Variants in PTPN9 observed in about 807,000 individuals in gnomAD.
The protein encoded by PTPN9 is tyrosine-protein phosphatase non-receptor type 9.
A neutral mutation model predicts 69.8 loss-of-function variants in PTPN9; 26 were observed. The ratio of observed to expected loss-of-function variants is 0.37; its 90% CI spans 0.27 to 0.52. The LOEUF is 0.52. Ranked by LOEUF, PTPN9 falls within the 20% of genes least tolerant of loss-of-function variation. The pLI is 0.91. For synonymous variants in PTPN9, 274 were observed against 272.5 expected (o/e 1.01, Z -0.05); for missense variants, 549 against 740.3 (o/e 0.74, Z 3.00).
At chr15:75,481,871 G>C (rs574787409) in intron 8 of PTPN9, among the ~76,000 whole-genome samples, 1 of 144,288 alleles carries the variant, frequency 6.9e-6, no homozygotes, top group Non-Finnish European at 1.5e-5. Flanking sequence ...CCGCCCCTCC[G>C]GGAGGTGAGG....
At chr15:75,558,623 T>A (rs904654788) in intron 1 of PTPN9, among the ~76,000 whole-genome samples, 1 of 152,040 alleles carries the variant, frequency 6.6e-6, no homozygotes, top group African/African-American at 2.4e-5. Flanking sequence ...CACTGCAACC[T>A]CCCTGCCTGA....
At chr15:75,576,120 T>C (rs995418003) in intron 1 of PTPN9, among the ~76,000 whole-genome samples, 1 of 149,050 alleles carries the variant, frequency 6.7e-6, no homozygotes, top group Non-Finnish European at 1.5e-5. Context: ...AAGTCACAGC[T>C]ACTTGGGAGG....
At chr15:75,501,970 C>T (rs1195975477) in intron 7 of PTPN9, among the ~76,000 whole-genome samples, 1 of 151,980 alleles carries the variant, frequency 6.6e-6, no homozygotes, top group Non-Finnish European at 1.5e-5. Flanking sequence ...CCAGCCTGGG[C>T]AACATGCCAA....
chr15:75,509,342 AGTTAT>A (rs2074835032), intron 5 of PTPN9, among the ~76,000 whole-genome samples: 2 of 152,354 alleles, frequency 1.3e-5, no homozygotes, highest in African/African-American at 4.8e-5. Flanking sequence ...CTCTTAAAAA[AGTTAT>A]GTTATTAAAA....
At chr15:75,531,236 C>T (rs2074962816) in intron 1 of PTPN9, among the ~76,000 whole-genome samples, 1 of 151,916 alleles carries the variant, frequency 6.6e-6, no homozygotes, top group Non-Finnish European at 1.5e-5. Flanking sequence ...GGCAACATAG[C>T]TTACACCATT....
chr15:75,572,541 C>T (rs2075152762), intron 1 of PTPN9, among the ~76,000 whole-genome samples: 1 of 151,896 alleles, frequency 6.6e-6, no homozygotes, highest in Non-Finnish European at 1.5e-5. Context: ...GAAACCCCAT[C>T]TCTACTAAAA....
At chr15:75,543,078 C>T (rs1449143476) in intron 1 of PTPN9, among the ~76,000 whole-genome samples, 1 of 148,780 alleles carries the variant, frequency 6.7e-6, no homozygotes, top group Non-Finnish European at 1.5e-5. Flanking sequence ...CAATTCCCAC[C>T]TATGAGTGAG....
At chr15:75,500,322 T>C (rs1239507044) in intron 7 of PTPN9, among the ~76,000 whole-genome samples, 1 of 147,572 alleles carries the variant, frequency 6.8e-6, no homozygotes, top group East Asian at 2.0e-4. Context: ...AATAAATAAA[T>C]AAATAAATAA....
intron 1 of PTPN9, among the ~76,000 whole-genome samples, chr15:75,569,467 G>A (rs751209791): frequency 1.4e-4 from 21 of 152,134 alleles, no homozygotes; most frequent in South Asian, 6.2e-4. Context: ...CACTTTGAGA[G>A]GCCGAGGCGG....
intron 6 of PTPN9, among the ~76,000 whole-genome samples, chr15:75,506,725 G>T (rs2074821459): frequency 6.6e-6 from 1 of 152,056 alleles, no homozygotes. Flanking sequence ...CTTGGACATA[G>T]CCATGCTGGA....
At chr15:75,553,927 G>A (rs978114423) in intron 1 of PTPN9, among the ~76,000 whole-genome samples, 4 of 151,628 alleles carry the variant, frequency 2.6e-5, no homozygotes, top group African/African-American at 9.7e-5. Flanking sequence ...TTAAAGGGAT[G>A]AAGCTGGTCA....
chr15:75,556,309 TGCCTCG>T (rs969872504), intron 1 of PTPN9, among the ~76,000 whole-genome samples: 5 of 151,736 alleles, frequency 3.3e-5, no homozygotes, highest in African/African-American at 1.2e-4. Context: ...TGATCCCCCC[TGCCTCG>T]GCCTCCCAAA....
At chr15:75,493,040 G>A (rs779554399) in intron 7 of PTPN9, among the ~76,000 whole-genome samples, 2 of 151,870 alleles carry the variant, frequency 1.3e-5, no homozygotes, top group South Asian at 2.1e-4. Flanking sequence ...CTGTAGTCCC[G>A]GCTATTCAGG....
intron 4 of PTPN9, among the ~76,000 whole-genome samples, chr15:75,518,715 G>A (rs772721488): frequency 4.9e-4 from 75 of 151,922 alleles, no homozygotes; most frequent in Admixed American, 8.5e-4. Context: ...TACTTGGGAG[G>A]CTGAGGCAGG....
At chr15:75,578,610 G>T (rs571286274) in intron 1 of PTPN9, 104 bp downstream of exon 1, 2 of 953,256 alleles carry the variant, frequency 2.1e-6, no homozygotes, top group African/African-American at 1.7e-5. Flanking sequence ...GGAGCGGGGG[G>T]CTGCGGCCCC....
intron 8 of PTPN9, among the ~76,000 whole-genome samples, chr15:75,488,975 A>G (rs541500846): frequency 2.6e-5 from 4 of 152,056 alleles, no homozygotes; most frequent in Admixed American, 2.6e-4. Flanking sequence ...GGAGATCGAG[A>G]CCATCCTGGC....
At chr15:75,510,031 C>A (rs1031973242) in intron 5 of PTPN9, among the ~76,000 whole-genome samples, 3 of 152,240 alleles carry the variant, frequency 2.0e-5, no homozygotes, top group African/African-American at 2.4e-5. Context: ...TTAAAAATTT[C>A]TCTTTCATAA....
At chr15:75,506,584 A>G (rs1261626809) in intron 6 of PTPN9, among the ~76,000 whole-genome samples, 1 of 152,046 alleles carries the variant, frequency 6.6e-6, no homozygotes, top group African/African-American at 2.4e-5. Context: ...ATGAAGGCTC[A>G]CTGCAGCCTC....
At chr15:75,494,786 G>A (rs968607214) in intron 7 of PTPN9, among the ~76,000 whole-genome samples, 2 of 152,020 alleles carry the variant, frequency 1.3e-5, no homozygotes, top group African/African-American at 4.8e-5. Flanking sequence ...CACTTTGGGA[G>A]GCCAAGGAGG....
Sources: allele counts gnomAD v4.1 joint callset (sites outside exome capture counted in the v4.1 genomes callset), GRCh38; gene constraint gnomAD v4.1.1; transcripts MANE v1.5; gene names NCBI Gene and HGNC (gene_info 2026-07-23, HGNC 2026-07-21).